The following ATP2B1 variants were observed in gnomAD, a reference collection of about 807,000 sequenced individuals.
ATP2B1 encodes ATPase plasma membrane Ca2+ transporting 1, also known as plasma membrane calcium-transporting ATPase 1.
ATP2B1 carries 14 observed loss-of-function variants against 124.2 expected under a neutral mutation model. The ratio of observed to expected loss-of-function variants is 0.11; its 90% CI spans 0.07 to 0.18. The LOEUF (loss-of-function observed/expected upper bound fraction) is 0.18. ATP2B1 is among the 10% of genes least tolerant of loss of function. The pLI is 1.00. For missense variants in ATP2B1, 763 were observed against 1,466.1 expected (o/e 0.52, Z 7.83); for synonymous variants, 449 against 492.4 (o/e 0.91, Z 1.17).
In ATP2B1 at chr12:89,653,593, G is replaced by A. The variant is rs891831060; in HGVS notation, c.208+2086C>T. On this transcript the variant is annotated intron_variant, in intron 2 of 20. Coordinates refer to ENST00000428670, the MANE Select transcript of ATP2B1 (RefSeq NM_001366521.1). ...ATTACAGGCGTGAGCCACCGCGCCC[G>A]GCCTCACATAGAATTTTGAGTGCTA... 1.2e-4 allele frequency among the ~76,000 whole-genome samples: 18 copies of A among 152,256 alleles called. No homozygotes were observed. In the South Asian group the frequency reaches 2.7e-3, roughly 23 times the overall value.
rs995886625 is a variant in ATP2B1 at position 89,590,750 on chromosome 12, C to T, written c.*234G>A. ...ACTGATGATCCACAGGTCACTTACGCTGAGTTACTGTTTATCTGTCAGTTC... is the reference window on the plus strand; with the variant it reads ...ACTGATGATCCACAGGTCACTTACGTTGAGTTACTGTTTATCTGTCAGTTC... On this transcript the variant is annotated 3_prime_UTR_variant, in exon 21 of 21. Coordinates refer to ENST00000428670, the MANE Select transcript of ATP2B1 (RefSeq NM_001366521.1). 1 of 461,516 alleles carries T rather than the reference C, an allele frequency of 2.2e-6. No homozygotes were observed. The highest frequency in any genetic ancestry group is 2.0e-5 in the African/African-American group (1 of 50,782). 28.6% of individuals were successfully genotyped at this position (461,516 alleles called of 1,614,324 possible). A position where few individuals can be genotyped will look rare whatever the true frequency, so the allele number is the denominator to read the frequency against.
At position 89,590,126 on chromosome 12, in the gene ATP2B1, T is replaced by C. The variant is rs745549634; in HGVS notation, c.*858A>G. On this transcript the variant is annotated 3_prime_UTR_variant, in exon 21 of 21. Coordinates refer to ENST00000428670, the MANE Select transcript of ATP2B1 (RefSeq NM_001366521.1). Reference sequence around the variant, plus strand: ...AGTTGATGTCCTGCATTAAACAATCTACTAAATTCTGAACAAAAGGTTATT... The same window carrying C: ...AGTTGATGTCCTGCATTAAACAATCCACTAAATTCTGAACAAAAGGTTATT... 6 of 152,596 alleles carry C rather than the reference T, an allele frequency of 3.9e-5. No homozygotes were observed. The highest frequency in any genetic ancestry group is 8.8e-5 in the Non-Finnish European group (6 of 68,012). 9.5% of individuals were successfully genotyped at this position (152,596 alleles called of 1,614,324 possible).
Position 89,603,807 on chromosome 12 carries a change from C to T in ATP2B1, c.2753G>A (p.Gly918Asp). Reference sequence around the variant, plus strand: ...ACGTGAGATGAGAGGCTTATTTCTACCATAAGGTTTCCGAAGCAAGAGAGA... The same window carrying T: ...ACGTGAGATGAGAGGCTTATTTCTATCATAAGGTTTCCGAAGCAAGAGAGA... Reference protein sequence around the residue: ...TESLLLRKPYGRNKPLISRTM... With the variant: ...TESLLLRKPYDRNKPLISRTM... The change falls in exon 17 of 21, where the codon GGT becomes GAT. Residue 918 changes from glycine to aspartate, a missense_variant. By Grantham distance (94) the Gly-to-Asp change is moderately conservative (BLOSUM62 -1). Coordinates refer to ENST00000428670, the MANE Select transcript of ATP2B1 (RefSeq NM_001366521.1). The surrounding 1 kb of genome is among the most constrained non-coding windows in gnomAD (Gnocchi z 4.3). The T allele has an allele frequency of 1.2e-6, 2 of 1,614,086 alleles. No homozygotes were observed. The highest frequency in any genetic ancestry group is 8.5e-7 in the Non-Finnish European group (1 of 1,179,984).
rs529842371 is a variant in ATP2B1 at position 89,681,089 on chromosome 12, A to G, written c.-221-24982T>C. ...TAATCTGGGAAGCTTTAGCAAAATGACTAATGGCAAGCATTTAATATAGTT... is the reference window on the plus strand; with the variant it reads ...TAATCTGGGAAGCTTTAGCAAAATGGCTAATGGCAAGCATTTAATATAGTT... On this transcript the variant is annotated intron_variant, in intron 1 of 20. Transcript: ENST00000428670. Among the ~76,000 whole-genome samples the G allele has an allele frequency of 1.3e-3, 199 of 152,322 alleles. 1 individual carries two copies. The highest frequency in any genetic ancestry group is 4.6e-3 in the African/African-American group (190 of 41,576).
intron 18 of ATP2B1, 100 bp downstream of exon 18, chr12:89,602,943 T>C: frequency 9.6e-7 from 1 of 1,042,264 alleles, no homozygotes; most frequent in Non-Finnish European, 1.4e-6. Context: ...AAGGCAACAG[T>C]TCCACACATG....
At chr12:89,636,597 G>T (rs1882750411) in intron 3 of ATP2B1, among the ~76,000 whole-genome samples, 1 of 152,158 alleles carries the variant, frequency 6.6e-6, no homozygotes, top group African/African-American at 2.4e-5. Context: ...CACTAGAAAT[G>T]ACTAAAGCGT....
At chr12:89,677,954 T>TTATATATATATATG (rs1491452210) in intron 1 of ATP2B1, among the ~76,000 whole-genome samples, 3,649 of 68,606 alleles carry the variant, frequency 0.053, 294 homozygotes, top group Middle Eastern at 0.13. Flanking sequence ...CATGCAGGAA[T>TTATATATATATATG]TATATATATA....
At chr12:89,689,326 C>T (rs1490573172) in intron 1 of ATP2B1, among the ~76,000 whole-genome samples, 1 of 152,098 alleles carries the variant, frequency 6.6e-6, no homozygotes, top group Non-Finnish European at 1.5e-5. Context: ...GTCCTGATTT[C>T]CTAGTGTCAT....
chr12:89,665,507 G>A (rs1284281178), intron 1 of ATP2B1, among the ~76,000 whole-genome samples: 1 of 152,060 alleles, frequency 6.6e-6, no homozygotes, highest in Non-Finnish European at 1.5e-5. Context: ...TTTACAGTAA[G>A]TTTCCTAGTA....
In ATP2B1 at chr12:89,592,230, A is replaced by T. The variant is rs145017795; in HGVS notation, c.3352-935T>A. 3.4e-3 allele frequency among the ~76,000 whole-genome samples: 515 copies of T among 152,146 alleles called. 4 individuals are homozygous for T. The highest frequency in any genetic ancestry group is 0.012 in the African/African-American group (505 of 41,540). ...AGCGTCATTCAGATTTAGAAAAAAA[A>T]GGACAAAATCCAACTAGTTGAGCAT... On this transcript the variant is annotated intron_variant, in intron 20 of 20. Coordinates refer to ENST00000428670, the MANE Select transcript of ATP2B1 (RefSeq NM_001366521.1).
At chr12:89,681,674 T>C (rs1157165074) in intron 1 of ATP2B1, among the ~76,000 whole-genome samples, 2 of 152,062 alleles carry the variant, frequency 1.3e-5, no homozygotes, top group South Asian at 2.1e-4. Context: ...AGTCTCCAAA[T>C]GGCATGAAGA....
At chr12:89,600,508 T>A (rs919078166) in intron 19 of ATP2B1, among the ~76,000 whole-genome samples, 1 of 152,154 alleles carries the variant, frequency 6.6e-6, no homozygotes, top group African/African-American at 2.4e-5. Context: ...ATATACACTG[T>A]TAAAGCTATT....
rs776729297 is a variant in ATP2B1 at position 89,598,625 on chromosome 12, A to G, written c.3351+492T>C. On this transcript the variant is annotated intron_variant, in intron 20 of 20. Coordinates refer to ENST00000428670, the MANE Select transcript of ATP2B1 (RefSeq NM_001366521.1). ...AGTAGAAGCAGTAGAAGAGGAAAAC[A>G]CTACATGTGTAGGGGTAGAAATATT... is the stretch of plus-strand genomic sequence containing the variant. 1.3e-5 allele frequency: 21 copies of G among 1,614,006 alleles called. 1 individual carries two copies. The South Asian group carries it at 1.9e-4, about 14-fold the overall frequency.
chr12:89,637,939 A>C (rs1298288712), intron 3 of ATP2B1, among the ~76,000 whole-genome samples: 3 of 152,236 alleles, frequency 2.0e-5, no homozygotes, highest in African/African-American at 7.2e-5. Flanking sequence ...TAAACTACTG[A>C]ATATTTCAAA....
chr12:89,687,241 G>A (rs925812581), intron 1 of ATP2B1, among the ~76,000 whole-genome samples: 20 of 151,998 alleles, frequency 1.3e-4, no homozygotes, highest in Admixed American at 1.2e-3. Context: ...TTACTGTAAC[G>A]CTTTTATGTT....
intron 1 of ATP2B1, among the ~76,000 whole-genome samples, chr12:89,697,136 G>A (rs979476664): frequency 2.0e-5 from 3 of 150,216 alleles, no homozygotes; most frequent in Non-Finnish European, 4.4e-5. Flanking sequence ...GAAATTTAAT[G>A]AGTGGAATGG....
chr12:89,708,737 G>A lies in ATP2B1; in HGVS notation c.-363C>T, dbSNP rs1340024615. ...GTCCGCAGCCGGCTCGCAGGGCTCG[G>A]GGCGCCACGCGGAGGTGCAGCTGCA... On this transcript the variant is annotated 5_prime_UTR_variant, in exon 1 of 21. Coordinates refer to ENST00000428670, the MANE Select transcript of ATP2B1 (RefSeq NM_001366521.1). 6.6e-6 allele frequency: 1 copy of A among 152,064 alleles called. No individual in the cohort carries two copies. Among genetic ancestry groups the A allele is most frequent in the Non-Finnish European group, 1.5e-5 (1 of 68,012 alleles). 9.4% of individuals were successfully genotyped at this position (152,064 alleles called of 1,614,324 possible). A position where few individuals can be genotyped will look rare whatever the true frequency, so the allele number is the denominator to read the frequency against.
At chr12:89,705,161 G>C (rs1347436334) in intron 1 of ATP2B1, among the ~76,000 whole-genome samples, 1 of 151,948 alleles carries the variant, frequency 6.6e-6, no homozygotes, top group African/African-American at 2.4e-5. Context: ...ATTTCTAAAA[G>C]CTAAAAAGTG....
intron 1 of ATP2B1, among the ~76,000 whole-genome samples, chr12:89,705,843 G>C (rs1892385993): frequency 6.6e-6 from 1 of 152,140 alleles, no homozygotes; most frequent in Non-Finnish European, 1.5e-5. Context: ...CTTATCTACA[G>C]CTCAATAGCC....
Sources: gnomAD v4.1 joint callset for allele counts (sites outside exome capture counted in the v4.1 genomes callset) on GRCh38, gnomAD v4.1.1 for gene constraint, Gnocchi (gnomAD v3.1) non-coding constraint, MANE v1.5 for transcripts, NCBI Gene and HGNC (gene_info 2026-07-23, HGNC 2026-07-21) for gene names.